The following TMEM132C variants were observed in gnomAD, a reference collection of about 807,000 sequenced individuals.
TMEM132C encodes transmembrane protein 132C, also known as protein phosphatase 1, regulatory subunit 152.
A neutral mutation model predicts 61.4 loss-of-function variants in TMEM132C; 29 were observed. That is an observed-to-expected ratio of 0.47 (90% confidence interval 0.35 to 0.64). The LOEUF is 0.64. Among genes scored for constraint, TMEM132C ranks in the 30% least tolerant of loss-of-function variants. The pLI is 0.00. For missense variants in TMEM132C, 1,408 were observed against 1,476.9 expected (o/e 0.95, Z 0.76); for synonymous variants, 656 against 633.1 (o/e 1.04, Z -0.54).
chr12:128,370,359 A>G lies in TMEM132C; in HGVS notation c.86-44373A>G, dbSNP rs1336078038. Among the ~76,000 whole-genome samples the G allele has an allele frequency of 3.3e-5, 5 of 152,268 alleles. No homozygotes were observed. The South Asian group carries it at 8.3e-4, about 25-fold the overall frequency. On this transcript the variant is annotated intron_variant, in intron 1 of 8. Transcript: ENST00000435159. ...TAACCAGAAAATGTTCCTGTATGGG[A>G]CAACATCCTAGCAAGAAACAGAATT...
chr12:128,572,740 C>G (rs1874937619), intron 3 of TMEM132C, among the ~76,000 whole-genome samples: 1 of 152,034 alleles, frequency 6.6e-6, no homozygotes, highest in African/African-American at 2.4e-5. Flanking sequence ...CTCTAACTGG[C>G]TGGGCCTGGG....
At chr12:128,303,395 G>A (rs1445356305) in intron 1 of TMEM132C, among the ~76,000 whole-genome samples, 1 of 152,116 alleles carries the variant, frequency 6.6e-6, no homozygotes, top group Admixed American at 6.5e-5. Context: ...AGCAATGTAG[G>A]GATCCATCGT....
chr12:128,419,384 G>C (rs1207414890), intron 2 of TMEM132C, among the ~76,000 whole-genome samples: 1 of 152,104 alleles, frequency 6.6e-6, no homozygotes, highest in Non-Finnish European at 1.5e-5. Flanking sequence ...GAGTGCGAAG[G>C]CTCTGGACTT....
At chr12:128,346,125 T>C (rs1053443285) in intron 1 of TMEM132C, among the ~76,000 whole-genome samples, 1 of 152,232 alleles carries the variant, frequency 6.6e-6, no homozygotes, top group Non-Finnish European at 1.5e-5. Flanking sequence ...TGCATATGGC[T>C]AGCCACTTAC....
At position 128,267,431 on chromosome 12, in the gene TMEM132C, C is replaced by G. The variant is rs1005510713; in HGVS notation, c.29C>G (p.Pro10Arg). MRSEGAAPG[P>R]AAPLCGALSL... ...CGCTCCGAGGGTGCGGCCCCCGGGC[C>G]GGCGGCGCCGCTGTGCGGGGCGCTG... The change falls in exon 1 of 9, where the codon CCG becomes CGG. Residue 10 changes from proline to arginine, a missense_variant. By Grantham distance (103) the Pro-to-Arg change is moderately radical (BLOSUM62 -2). Transcript: ENST00000435159. 6.4e-6 allele frequency: 8 copies of G among 1,245,208 alleles called. No individual in the cohort carries two copies. The highest frequency in any genetic ancestry group is 3.1e-5 in the African/African-American group (2 of 63,656). The allele number at this position is 1,245,208 out of a possible 1,614,324, so 77.1% of individuals were successfully genotyped here.
intron 2 of TMEM132C, among the ~76,000 whole-genome samples, chr12:128,506,040 T>C (rs1043438399): frequency 1.3e-5 from 2 of 152,234 alleles, no homozygotes; most frequent in Non-Finnish European, 2.9e-5. Context: ...TTGTTGGCCC[T>C]GGTTTTGTTC....
chr12:128,368,902 G>A (rs1332183131), intron 1 of TMEM132C, among the ~76,000 whole-genome samples: 7 of 152,238 alleles, frequency 4.6e-5, no homozygotes, highest in East Asian at 3.9e-4. Flanking sequence ...AACTGAACTC[G>A]CCCCTGAGAC....
At chr12:128,399,864 AT>A (rs956466315) in intron 1 of TMEM132C, 89 of 152,286 alleles carry the variant, frequency 5.8e-4, no homozygotes, top group African/African-American at 1.9e-3. Flanking sequence ...TGAAATTCAA[AT>A]TCTAGTGTTT....
intron 4 of TMEM132C, among the ~76,000 whole-genome samples, chr12:128,621,018 G>T (rs1157185074): frequency 6.6e-6 from 1 of 152,024 alleles, no homozygotes. Context: ...GATGAAGCAC[G>T]CCACTAGAAA....
rs775017518 is a variant in TMEM132C, at chr12:128,326,932, G to T, written c.85+59445G>T. Among the ~76,000 whole-genome samples the T allele has an allele frequency of 6.7e-6, 1 of 149,896 alleles. No individual in the cohort carries two copies. Among genetic ancestry groups the T allele is most frequent in the East Asian group, 1.9e-4 (1 of 5,186 alleles). On this transcript the variant is annotated intron_variant, in intron 1 of 8. Transcript: ENST00000435159. This position sits in a 1 kb window ranked among gnomAD's most constrained non-coding sequence, Gnocchi z 5.6. ...TGGGAAGCTCAAGATTAGCCGTGTC[G>T]TAGGGGGAAAATGTTAGAACGACTA...
chr12:128,418,610 G>A (rs978192047), intron 2 of TMEM132C, among the ~76,000 whole-genome samples: 4 of 152,330 alleles, frequency 2.6e-5, no homozygotes, highest in South Asian at 2.1e-4. Flanking sequence ...GTGATTGCTC[G>A]TAGACCCCTC....
chr12:128,489,129 G>A (rs896976915), intron 2 of TMEM132C, among the ~76,000 whole-genome samples: 6 of 152,098 alleles, frequency 3.9e-5, no homozygotes, highest in Admixed American at 1.3e-4. Context: ...CTCTGTCTCC[G>A]TTCCTTCTCC....
At chr12:128,410,413 A>T (rs1868495107) in intron 1 of TMEM132C, among the ~76,000 whole-genome samples, 2 of 151,976 alleles carry the variant, frequency 1.3e-5, no homozygotes, top group South Asian at 2.1e-4. Flanking sequence ...GTTTGTATGT[A>T]TGTATTTTGA....
chr12:128,355,870 G>C (rs926742976), intron 1 of TMEM132C, among the ~76,000 whole-genome samples: 11 of 152,050 alleles, frequency 7.2e-5, no homozygotes, highest in Non-Finnish European at 1.3e-4. Context: ...GGGTGTCCCT[G>C]GGTGCCCTAC....
At chr12:128,677,587 C>T (rs1308293130) in intron 5 of TMEM132C, among the ~76,000 whole-genome samples, 1 of 152,052 alleles carries the variant, frequency 6.6e-6, no homozygotes, top group Non-Finnish European at 1.5e-5. Flanking sequence ...TTGGACAGCA[C>T]CCTATGTACA....
At chr12:128,271,485 C>G (rs1870521020) in intron 1 of TMEM132C, among the ~76,000 whole-genome samples, 1 of 152,048 alleles carries the variant, frequency 6.6e-6, no homozygotes, top group East Asian at 1.9e-4. Flanking sequence ...ATCAAATGCT[C>G]TTTTGCATCT....
intron 1 of TMEM132C, among the ~76,000 whole-genome samples, chr12:128,374,593 C>T (rs956941285): frequency 3.9e-5 from 6 of 152,070 alleles, no homozygotes; most frequent in South Asian, 2.1e-4. Context: ...CACCTTTATG[C>T]CAAGTGCTGT....
At position 128,586,108 on chromosome 12, in the gene TMEM132C, T is replaced by C. The variant is rs2135562842; in HGVS notation, c.1122-30044T>C. 2.0e-5 allele frequency among the ~76,000 whole-genome samples: 3 copies of C among 152,248 alleles called. No homozygotes were observed. The Middle Eastern group carries it at 0.01, about 518-fold the overall frequency. Reference sequence around the variant, plus strand: ...AATAAAACGGGAATATATGTATCAATGCATAGCGGATCTCTGGGAAGCTCT... The same window carrying C: ...AATAAAACGGGAATATATGTATCAACGCATAGCGGATCTCTGGGAAGCTCT... On this transcript the variant is annotated intron_variant, in intron 3 of 8. Transcript: ENST00000435159.
rs180728576 is a variant in TMEM132C, at chr12:128,517,328, G to A, written c.975-26629G>A. 1.8e-3 allele frequency among the ~76,000 whole-genome samples: 280 copies of A among 151,680 alleles called. 1 individual carries two copies. The highest frequency in any genetic ancestry group is 6.2e-3 in the African/African-American group (257 of 41,344). ...GACACGCCTGTAATCCCAGCTACTCGGGAGGCTGAGGTGGAGGAATCACTT... is the reference window on the plus strand; with the variant it reads ...GACACGCCTGTAATCCCAGCTACTCAGGAGGCTGAGGTGGAGGAATCACTT... On this transcript the variant is annotated intron_variant, in intron 2 of 8. Coordinates refer to ENST00000435159, the MANE Select transcript of TMEM132C (RefSeq NM_001136103.3).
Sources: allele counts gnomAD v4.1 joint callset (sites outside exome capture counted in the v4.1 genomes callset), GRCh38; gene constraint gnomAD v4.1.1; non-coding constraint Gnocchi (gnomAD v3.1); transcripts MANE v1.5; gene names NCBI Gene and HGNC (gene_info 2026-07-23, HGNC 2026-07-21).